Variants in PPARG observed in about 807,000 individuals in gnomAD.
The protein encoded by PPARG is peroxisome proliferator activated receptor gamma, also known as peroxisome proliferator-activated receptor gamma.
In PPARG, 17 loss-of-function variants were observed where a neutral mutation model predicts 39.2. That is an observed-to-expected ratio of 0.43 (90% CI 0.30 to 0.65). The LOEUF is 0.65. PPARG is among the 30% of genes least tolerant of loss of function. The pLI is 0.13. For synonymous variants in PPARG, 223 were observed against 215.7 expected, an observed-to-expected ratio of 1.03 and a Z score of -0.30; for missense variants, 406 against 585.9, an observed-to-expected ratio of 0.69 and a Z score of 3.17.
At chr3:12,309,096 A>C (rs1219226039) in intron 1 of PPARG, among the ~76,000 whole-genome samples, 1 of 152,202 alleles carries the variant, frequency 6.6e-6, no homozygotes, top group Non-Finnish European at 1.5e-5. Flanking sequence ...AATTTATTTT[A>C]TGGTAGAACC....
intron 1 of PPARG, among the ~76,000 whole-genome samples, chr3:12,293,041 G>A (rs894614669): frequency 3.3e-5 from 5 of 152,204 alleles, no homozygotes; most frequent in East Asian, 1.9e-4. Context: ...ATCTTCCACT[G>A]CCTTAATCCT....
At chr3:12,310,705 C>T (rs1241916698) in intron 1 of PPARG, among the ~76,000 whole-genome samples, 1 of 139,504 alleles carries the variant, frequency 7.2e-6, no homozygotes, top group African/African-American at 2.6e-5. Context: ...CCTCGTGATC[C>T]GCCCGCCTCG....
chr3:12,364,975 A>C (rs2048968578), intron 2 of PPARG, among the ~76,000 whole-genome samples: 2 of 152,182 alleles, frequency 1.3e-5, no homozygotes, highest in South Asian at 4.1e-4. Context: ...TTTTGGCACC[A>C]GGGACCAGTT....
In PPARG at chr3:12,406,685, G is replaced by A. The variant is rs142397996; in HGVS notation, c.729+604G>A. The A allele has an allele frequency of 3.6e-3, 566 of 156,454 alleles. 4 individuals carry two copies. The highest frequency in any genetic ancestry group is 6.5e-3 in the Middle Eastern group (2 of 306). The allele number at this position is 156,454 out of a possible 1,614,324, so 9.7% of individuals were successfully genotyped here. On this transcript the variant is annotated intron_variant, in intron 6 of 7. Coordinates refer to ENST00000651735, the MANE Select transcript of PPARG (RefSeq NM_138711.6). Reference sequence around the variant, plus strand: ...ATCCCGAGTAGCTGGGATTACAGGTGTGCACGACCATGCCTGGCTAATCTT... The same window carrying A: ...ATCCCGAGTAGCTGGGATTACAGGTATGCACGACCATGCCTGGCTAATCTT...
intron 4 of PPARG, among the ~76,000 whole-genome samples, chr3:12,382,423 C>T (rs770420175): frequency 5.9e-5 from 9 of 152,032 alleles, no homozygotes; most frequent in African/African-American, 1.4e-4. Flanking sequence ...TTATTATATA[C>T]GCATTGCACA....
At chr3:12,374,432 C>G (rs913572583) in intron 2 of PPARG, among the ~76,000 whole-genome samples, 1 of 151,990 alleles carries the variant, frequency 6.6e-6, no homozygotes, top group Admixed American at 6.6e-5. Context: ...AACCCCTTCT[C>G]TACTAAAAAT....
chr3:12,318,000 G>A (rs2125012489), intron 2 of PPARG, among the ~76,000 whole-genome samples: 1 of 152,196 alleles, frequency 6.6e-6, no homozygotes, highest in East Asian at 1.9e-4. Context: ...TAGAGGCAGG[G>A]CCTTCCTCTG....
intron 4 of PPARG, among the ~76,000 whole-genome samples, chr3:12,388,731 G>A (rs559288401): frequency 1.3e-5 from 2 of 152,226 alleles, no homozygotes; most frequent in Admixed American, 6.5e-5. Context: ...CAGAAATTGG[G>A]ATTGCCTGAT....
At chr3:12,344,907 CTT>C (rs916182462) in intron 2 of PPARG, 3 of 152,188 alleles carry the variant, frequency 2.0e-5, no homozygotes, top group African/African-American at 7.2e-5. Flanking sequence ...CTGTTTGACT[CTT>C]TGTTCATTTT....
At chr3:12,312,113 T>A (rs13095716) in intron 1 of PPARG, among the ~76,000 whole-genome samples, 38,323 of 152,114 alleles carry the variant, frequency 0.25, 4,948 homozygotes, top group East Asian at 0.33. Context: ...GGTGAAGTGA[T>A]TCTAATAGAT....
rs1261448104 is a variant in PPARG, at chr3:12,300,539, C to T, written c.-83+11405C>T. 3.3e-5 allele frequency among the ~76,000 whole-genome samples: 5 copies of T among 150,638 alleles called. No individual in the cohort carries two copies. In the East Asian group the frequency reaches 5.8e-4, roughly 17 times the overall value. ...AAATGTCAGGTTGACTTTCTTTGTC[C>T]TATAACTTGTGTATGAAATATTTAT... On this transcript the variant is annotated intron_variant, in intron 1 of 7. Coordinates refer to ENST00000651735, the MANE Select transcript of PPARG (RefSeq NM_138711.6).
At chr3:12,322,023 C>A (rs1333175237) in intron 2 of PPARG, among the ~76,000 whole-genome samples, 1 of 152,110 alleles carries the variant, frequency 6.6e-6, no homozygotes, top group Non-Finnish European at 1.5e-5. Context: ...GATCAACATG[C>A]GATGCAAAGC....
chr3:12,426,815 T>C (rs1390055147), intron 7 of PPARG, among the ~76,000 whole-genome samples: 1 of 152,180 alleles, frequency 6.6e-6, no homozygotes, highest in Non-Finnish European at 1.5e-5. Flanking sequence ...GCTCCAATTG[T>C]TAAAGTGAGG....
intron 1 of PPARG, among the ~76,000 whole-genome samples, chr3:12,301,363 G>A (rs1447558829): frequency 2.0e-5 from 3 of 152,072 alleles, no homozygotes; most frequent in African/African-American, 7.2e-5. Context: ...AATAAAACTG[G>A]TTCTCTTCTT....
At position 12,416,703 on chromosome 3, in the gene PPARG, G is replaced by A. The variant is rs373049998; in HGVS notation, c.730-1G>A. 1 of 1,612,948 alleles carries A rather than the reference G, an allele frequency of 6.2e-7. No individual in the cohort carries two copies. The highest frequency in any genetic ancestry group is 1.3e-5 in the African/African-American group (1 of 74,900). ...CCACGTTTTCCCTGTTTTATTTGCA[G>A]CCATTCGTTATCTATGACATGAATT... On this transcript the variant is annotated splice_acceptor_variant, in intron 6 of 7. Coordinates refer to ENST00000651735, the MANE Select transcript of PPARG (RefSeq NM_138711.6). LOFTEE classifies it high-confidence loss of function.
At chr3:12,392,121 G>A (rs2050097367) in intron 4 of PPARG, among the ~76,000 whole-genome samples, 1 of 152,130 alleles carries the variant, frequency 6.6e-6, no homozygotes, top group African/African-American at 2.4e-5. Context: ...AGGAAATTAT[G>A]CAACATAGAG....
At chr3:12,313,288 T>C (rs2047300812) in intron 2 of PPARG, among the ~76,000 whole-genome samples, 1 of 152,138 alleles carries the variant, frequency 6.6e-6, no homozygotes, top group Non-Finnish European at 1.5e-5. Context: ...TTATTATACA[T>C]ATATATGTTT....
intron 2 of PPARG, among the ~76,000 whole-genome samples, chr3:12,332,896 G>C (rs2047902053): frequency 6.6e-6 from 1 of 152,098 alleles, no homozygotes; most frequent in South Asian, 2.1e-4. Flanking sequence ...GCTGGGCATG[G>C]TGGGATGCAT....
intron 2 of PPARG, among the ~76,000 whole-genome samples, chr3:12,343,795 A>G (rs2048250900): frequency 6.6e-6 from 1 of 151,228 alleles, no homozygotes; most frequent in African/African-American, 2.4e-5. Context: ...TAATCATAAC[A>G]TCACCCTCAT....
Sources: allele counts gnomAD v4.1 joint callset (sites outside exome capture counted in the v4.1 genomes callset), GRCh38; gene constraint gnomAD v4.1.1; transcripts MANE v1.5; gene names NCBI Gene and HGNC (gene_info 2026-07-23, HGNC 2026-07-21).